The following HSPH1 variants were observed in gnomAD, a reference collection of about 807,000 sequenced individuals.
HSPH1 encodes the protein heat shock protein 105 kDa.
In HSPH1, 40 loss-of-function variants were observed where a neutral mutation model predicts 100.0. The observed-to-expected ratio is 0.40, with a 90% confidence interval of 0.31 to 0.52. HSPH1 has a LOEUF of 0.52. HSPH1 is among the 20% of genes least tolerant of loss of function. The pLI is 0.54. For missense variants in HSPH1, 876 were observed against 1,015.1 expected (o/e 0.86, Z 1.86); for synonymous variants, 403 against 344.0 (o/e 1.17, Z -1.90).
intron 4 of HSPH1, among the ~76,000 whole-genome samples, chr13:31,153,232 A>G (rs1253639015): frequency 6.6e-6 from 1 of 152,228 alleles, no homozygotes; most frequent in African/African-American, 2.4e-5. Context: ...ACATATTCAA[A>G]GTTACATAAA....
Position 31,138,556 on chromosome 13 carries a change from T to C in HSPH1, c.2221A>G (p.Asn741Asp). 1.2e-6 allele frequency: 2 copies of C among 1,608,506 alleles called. No homozygotes were observed. The highest frequency in any genetic ancestry group is 1.7e-6 in the Non-Finnish European group (2 of 1,177,802). The change falls in exon 17 of 18, where the codon AAC (asparagine) becomes GAC (aspartate). Residue 741 changes from asparagine (N) to aspartate (D), a missense_variant. Coordinates refer to ENST00000320027, the MANE Select transcript of HSPH1 (RefSeq NM_006644.4). ...TTCATTTCAGACTCATCAATATGGT[T>C]GTATTTCTCATCCTGAACAAAAATA... Reference protein sequence around the residue: ...ADFRNKDEKYNHIDESEMKKV... With the variant: ...ADFRNKDEKYDHIDESEMKKV...
At position 31,150,024 on chromosome 13, in the gene HSPH1, T is replaced by C; in HGVS notation, c.1067A>G (p.Lys356Arg). 1.9e-6 allele frequency: 3 copies of C among 1,613,886 alleles called. No homozygotes were observed. Among genetic ancestry groups the C allele is most frequent in the South Asian group, 1.1e-5 (1 of 91,076 alleles). The stretch of plus-strand genomic sequence containing the variant: ...TGTGCTAATATCTTTTCCAAAGAAT[T>C]TGGCAATTCTTTCCTTCACAGCTGG... ...RIPAVKERIA[K>R]FFGKDISTTL... Residue 356 changes from lysine to arginine, a missense_variant, in exon 8 of 18, where the codon AAA becomes AGA. Physicochemically the swap from Lys to Arg is conservative, Grantham distance 26 (BLOSUM62 2). Transcript: ENST00000320027.
chr13:31,157,874 G>T (rs1272176705), intron 2 of HSPH1, among the ~76,000 whole-genome samples: 3 of 152,066 alleles, frequency 2.0e-5, no homozygotes, highest in African/African-American at 7.2e-5. Flanking sequence ...ATATATTTTA[G>T]GAACTATCAC....
intron 1 of HSPH1, among the ~76,000 whole-genome samples, chr13:31,161,099 G>A (rs902520370): frequency 6.6e-6 from 1 of 152,206 alleles, no homozygotes; most frequent in East Asian, 1.9e-4. Context: ...GGGGATACGG[G>A]GGCGGCCGCG....
At chr13:31,154,323 G>A in intron 4 of HSPH1, 1 of 380,846 alleles carries the variant, frequency 2.6e-6, no homozygotes, top group South Asian at 2.5e-5. Context: ...AAAAGCTCCT[G>A]TGTTAAATGT....
chr13:31,140,360 A>C, intron 13 of HSPH1, 51 bp from the exon 14 acceptor site: 1 of 1,560,922 alleles, frequency 6.4e-7, no homozygotes. Flanking sequence ...AACTCAAGCT[A>C]AATTCTAAAT....
At chr13:31,137,586 C>T in intron 17 of HSPH1, 62 bp from the exon 18 acceptor site, 1 of 1,198,414 alleles carries the variant, frequency 8.3e-7, no homozygotes, top group Non-Finnish European at 1.2e-6. Context: ...TTTTCAACTG[C>T]TTCTCCACAT....
At chr13:31,145,507 A>G in intron 11 of HSPH1, 56 bp downstream of exon 11, 1 of 1,368,088 alleles carries the variant, frequency 7.3e-7, no homozygotes, top group Non-Finnish European at 1.0e-6. Context: ...CAATTCTCCT[A>G]TAGCTTAGAA....
rs1956271640 is a variant in HSPH1 at position 31,146,577 on chromosome 13, T to C, written c.1379-809A>G. Among the ~76,000 whole-genome samples the C allele has an allele frequency of 2.6e-5, 4 of 152,316 alleles. No homozygotes were observed. In the South Asian group the frequency reaches 8.3e-4, roughly 32 times the overall value. ...AAATAATCAAAACATTTAGCTGTTTTAAATAAGGGAGGTGAGCCAAAATCT... is the reference window on the plus strand; with the variant it reads ...AAATAATCAAAACATTTAGCTGTTTCAAATAAGGGAGGTGAGCCAAAATCT... On this transcript the variant is annotated intron_variant, in intron 10 of 17. Coordinates refer to ENST00000320027, the MANE Select transcript of HSPH1 (RefSeq NM_006644.4).
intron 10 of HSPH1, among the ~76,000 whole-genome samples, chr13:31,146,233 T>A (rs550058609): frequency 3.3e-5 from 5 of 152,306 alleles, no homozygotes; most frequent in African/African-American, 1.2e-4. Context: ...TAAAATCTTC[T>A]ACCTAGTCTT....
Position 31,148,356 on chromosome 13 carries a change from T to C in HSPH1, c.1244+18A>G, listed in dbSNP as rs1259293087. ...TTCTTTACATTATAGTATCTGAATG[T>C]TATTTTCTGCTACATACCCTTCAGT... On this transcript the variant is annotated intron_variant, in intron 9 of 17. Transcript: ENST00000320027. 2 of 1,388,302 alleles carry C rather than the reference T, an allele frequency of 1.4e-6. No individual in the cohort carries two copies. Among genetic ancestry groups the C allele is most frequent in the Non-Finnish European group, 2.0e-6 (2 of 983,790 alleles). The allele number at this position is 1,388,302 out of a possible 1,614,324, so 86.0% of individuals were successfully genotyped here. A position where few individuals can be genotyped will look rare whatever the true frequency, so the allele number is the denominator to read the frequency against.
chr13:31,162,343 T>C, upstream of HSPH1: 1 of 566,700 alleles, frequency 1.8e-6, no homozygotes. Context: ...GCCGGCCAGC[T>C]GTCCGGAGAG....
At chr13:31,144,033 G>T in intron 11 of HSPH1, 110 bp from the exon 12 acceptor site, 1 of 945,290 alleles carries the variant, frequency 1.1e-6, no homozygotes, top group Non-Finnish European at 1.5e-6. Context: ...AATCTTAACA[G>T]GTGGGGAGAA....
Position 31,154,644 on chromosome 13 carries a change from A to T in HSPH1, c.418T>A (p.Cys140Ser). The T allele has an allele frequency of 1.9e-6, 3 of 1,614,036 alleles. No individual in the cohort carries two copies. Among genetic ancestry groups the T allele is most frequent in the Non-Finnish European group, 2.5e-6 (3 of 1,179,952 alleles). ...TGAATTATACTTACTGAAATAACAC[A>T]ATCTGTTACTGGTTTCTTGAGGCTG... ...ENSLKKPVTDCVISVPSFFTD... is the reference protein window; with the variant it reads ...ENSLKKPVTDSVISVPSFFTD... The change falls in exon 4 of 18, where the codon TGT (cysteine) becomes AGT (serine). Residue 140 changes from cysteine (C) to serine (S), a missense_variant. By Grantham distance (112) the Cys-to-Ser change is moderately radical. Transcript: ENST00000320027.
At chr13:31,161,072 G>A (rs1593221848) in intron 1 of HSPH1, among the ~76,000 whole-genome samples, 1 of 152,238 alleles carries the variant, frequency 6.6e-6, no homozygotes, top group Non-Finnish European at 1.5e-5. Context: ...GGCTCAGCCA[G>A]CTCAGAGAGG....
Position 31,136,056 on chromosome 13 carries a change from G to T in HSPH1, c.*1262C>A, listed in dbSNP as rs781595631. The T allele has an allele frequency of 6.6e-6, 1 of 151,916 alleles. No homozygotes were observed. The highest frequency in any genetic ancestry group is 1.5e-5 in the Non-Finnish European group (1 of 67,992). The allele number at this position is 151,916 out of a possible 1,614,324, so 9.4% of individuals were successfully genotyped here. The stretch of plus-strand genomic sequence containing the variant: ...ACTGTTGCACCCTAGTGAGGAGCTG[G>T]TTGTCACCTATCCTAAGTGCATGTG... On this transcript the variant is annotated 3_prime_UTR_variant, in exon 18 of 18. Transcript: ENST00000320027.
At chr13:31,150,253 A>G (rs1300482542) in intron 7 of HSPH1, 71 bp from the exon 8 acceptor site, 3 of 1,096,076 alleles carry the variant, frequency 2.7e-6, no homozygotes, top group Non-Finnish European at 2.6e-6. Context: ...CAACCCAATG[A>G]ATTTCATTAT....
chr13:31,152,645 G>A (rs1956529399), intron 5 of HSPH1: 1 of 354,324 alleles, frequency 2.8e-6, no homozygotes, highest in Non-Finnish European at 5.2e-6. Flanking sequence ...AACATGAAAA[G>A]AATTCTCTAA....
At position 31,161,730 on chromosome 13, in the gene HSPH1, C is replaced by G. The variant is rs1379918087; in HGVS notation, c.-148G>C. Reference sequence around the variant, plus strand: ...TTCCTCTGACACTCAGAAGGACACACAGACAGCCGCGGCCTGTCAGGAGCC... The same window carrying G: ...TTCCTCTGACACTCAGAAGGACACAGAGACAGCCGCGGCCTGTCAGGAGCC... On this transcript the variant is annotated 5_prime_UTR_variant, in exon 1 of 18. Transcript: ENST00000320027. 5 of 1,533,546 alleles carry G rather than the reference C, an allele frequency of 3.3e-6. No homozygotes were observed. The highest frequency in any genetic ancestry group is 3.5e-6 in the Non-Finnish European group (4 of 1,145,678). The allele number at this position is 1,533,546 out of a possible 1,614,324, so 95.0% of individuals were successfully genotyped here.
Sources: allele counts gnomAD v4.1 joint callset (sites outside exome capture counted in the v4.1 genomes callset), GRCh38; gene constraint gnomAD v4.1.1; transcripts MANE v1.5; gene names NCBI Gene and HGNC (gene_info 2026-07-23, HGNC 2026-07-21).